Variants in PCBP3 observed in about 807,000 individuals in gnomAD.
PCBP3 encodes the protein poly(rC) binding protein 3.
A neutral mutation model predicts 52.7 loss-of-function variants in PCBP3; 25 were observed. The observed-to-expected ratio is 0.47, with a 90% confidence interval of 0.35 to 0.66. The LOEUF (loss-of-function observed/expected upper bound fraction) is 0.66, where lower values mean the gene tolerates loss of function less well. Among genes scored for constraint, PCBP3 ranks in the 30% least tolerant of loss-of-function variants. The pLI, the probability that PCBP3 is intolerant of heterozygous loss-of-function variation, is 0.01. For synonymous variants in PCBP3, 162 were observed against 183.0 expected, an observed-to-expected ratio of 0.89 and a Z score of 0.93; for missense variants, 391 against 490.3, an observed-to-expected ratio of 0.80 and a Z score of 1.91.
Position 45,772,527 on chromosome 21 carries a change from G to T in PCBP3, c.-126+17075G>T, listed in dbSNP as rs148955105. 4.2e-3 allele frequency among the ~76,000 whole-genome samples: 640 copies of T among 152,234 alleles called. 2 individuals are homozygous for T. Among genetic ancestry groups the T allele is most frequent in the Middle Eastern group, 0.014 (4 of 294 alleles). On this transcript the variant is annotated intron_variant, in intron 4 of 17. Coordinates refer to ENST00000681687, the MANE Select transcript of PCBP3 (RefSeq NM_001384156.1). The stretch of plus-strand genomic sequence containing the variant: ...GTGAATAGTACTGCAATAAACATAG[G>T]AGTGCAGGTACTACTTTGATATACT...
At chr21:45,701,536 C>A (rs897245907) in intron 2 of PCBP3, among the ~76,000 whole-genome samples, 2 of 152,106 alleles carry the variant, frequency 1.3e-5, no homozygotes, top group African/African-American at 4.8e-5. Flanking sequence ...ATAATAAAAA[C>A]ATTTTATTAT....
intron 2 of PCBP3, among the ~76,000 whole-genome samples, chr21:45,710,853 A>G (rs975361033): frequency 2.0e-5 from 3 of 152,214 alleles, no homozygotes; most frequent in Non-Finnish European, 4.4e-5. Context: ...TTAAGCATGA[A>G]CGCATGGATT....
At chr21:45,839,875 C>T (rs544859071) in intron 4 of PCBP3, among the ~76,000 whole-genome samples, 8 of 151,890 alleles carry the variant, frequency 5.3e-5, no homozygotes, top group Non-Finnish European at 8.8e-5. Context: ...TCAGTAGAGA[C>T]GGGGTTTCAC....
At chr21:45,676,970 G>A (rs1332843096) in intron 2 of PCBP3, among the ~76,000 whole-genome samples, 1 of 151,768 alleles carries the variant, frequency 6.6e-6, no homozygotes, top group Non-Finnish European at 1.5e-5. Context: ...GCGGGGTTTC[G>A]CTATGTTGGC....
chr21:45,685,523 C>T (rs1441491687), intron 2 of PCBP3, among the ~76,000 whole-genome samples: 1 of 152,134 alleles, frequency 6.6e-6, no homozygotes, highest in Non-Finnish European at 1.5e-5. Context: ...TTGTGAACAA[C>T]CAGAAAACTG....
Position 45,646,107 on chromosome 21 carries a change from CTGTGTGTG to C in PCBP3, c.-279+2271_-279+2278del, listed in dbSNP as rs765931494. 2.8e-3 allele frequency among the ~76,000 whole-genome samples: 235 copies of C among 83,812 alleles called. 3 individuals carry two copies. Among genetic ancestry groups the C allele is most frequent in the African/African-American group, 0.01 (212 of 21,002 alleles). 55.0% of individuals were successfully genotyped at this position (83,812 alleles called of 152,430 possible). On this transcript the variant is annotated intron_variant, in intron 1 of 17. Coordinates refer to ENST00000681687, the MANE Select transcript of PCBP3 (RefSeq NM_001384156.1). ...TTTCTCTCTCTCTCTCTCTCTCTCT[CTGTGTGTG>C]TGTGTGTGTGTGTGTGTGTGTGTGT...
intron 3 of PCBP3, among the ~76,000 whole-genome samples, chr21:45,738,090 A>T (rs1368607478): frequency 6.6e-6 from 1 of 152,168 alleles, no homozygotes; most frequent in East Asian, 1.9e-4. Flanking sequence ...CCCATCTCCC[A>T]TAGCTGGTTA....
chr21:45,645,312 C>G (rs191564166), intron 1 of PCBP3, among the ~76,000 whole-genome samples: 2 of 151,960 alleles, frequency 1.3e-5, no homozygotes, highest in African/African-American at 4.8e-5. Context: ...TTAGAACTTA[C>G]GTAGCTTCAC....
At chr21:45,915,057 G>C (rs550636166) in intron 12 of PCBP3, 1 of 152,184 alleles carries the variant, frequency 6.6e-6, no homozygotes, top group Non-Finnish European at 1.5e-5. Context: ...CCAGGGTCCC[G>C]TGTGCTCAGG....
chr21:45,745,283 A>G (rs1474530584), intron 3 of PCBP3, among the ~76,000 whole-genome samples: 1 of 152,190 alleles, frequency 6.6e-6, no homozygotes, highest in Non-Finnish European at 1.5e-5. Context: ...ACGTGCCAAG[A>G]GGAAGAGTTG....
intron 2 of PCBP3, among the ~76,000 whole-genome samples, chr21:45,722,463 TGGA>T (rs2084719703): frequency 6.6e-6 from 1 of 152,248 alleles, no homozygotes; most frequent in South Asian, 2.1e-4. Context: ...TTTTTATTGT[TGGA>T]GAAGAATTAT....
intron 2 of PCBP3, among the ~76,000 whole-genome samples, chr21:45,719,949 G>C (rs1402233936): frequency 6.6e-6 from 1 of 152,098 alleles, no homozygotes; most frequent in African/African-American, 2.4e-5. Flanking sequence ...AGTAGAGAAG[G>C]CACCTCCAGA....
At chr21:45,927,355 CT>C in intron 13 of PCBP3, among the ~76,000 whole-genome samples, 1 of 5,818 alleles carries the variant, frequency 1.7e-4, no homozygotes, top group African/African-American at 2.2e-4. Flanking sequence ...CCCTCCCTCC[CT>C]CTCGCCTGCC....
chr21:45,847,101 CT>C (rs941684030), intron 4 of PCBP3, among the ~76,000 whole-genome samples: 24 of 151,066 alleles, frequency 1.6e-4, no homozygotes, highest in Admixed American at 8.6e-4. Context: ...TGTGTCTTTG[CT>C]TTTTTTTTCT....
Position 45,788,119 on chromosome 21 carries a change from G to A in PCBP3, c.-126+32667G>A, listed in dbSNP as rs368520875. 1.1e-4 allele frequency among the ~76,000 whole-genome samples: 17 copies of A among 152,264 alleles called. 1 individual carries two copies. The East Asian group carries it at 1.7e-3, about 16-fold the overall frequency. ...GGGACATGCTGTGACCTGTAGAATC[G>A]TGTCTGACCATTTCTGGAGGATGCA... On this transcript the variant is annotated intron_variant, in intron 4 of 17. Coordinates refer to ENST00000681687, the MANE Select transcript of PCBP3 (RefSeq NM_001384156.1). This position sits in a 1 kb window ranked among gnomAD's most constrained non-coding sequence, Gnocchi z 4.3.
At chr21:45,754,559 A>C (rs1296121588) in intron 3 of PCBP3, among the ~76,000 whole-genome samples, 1 of 152,228 alleles carries the variant, frequency 6.6e-6, no homozygotes, top group African/African-American at 2.4e-5. Context: ...ACAGCTAGAA[A>C]ATATTCGTGA....
chr21:45,870,674 A>C (rs535682120), intron 5 of PCBP3, among the ~76,000 whole-genome samples: 5 of 152,322 alleles, frequency 3.3e-5, no homozygotes, highest in African/African-American at 9.6e-5. Flanking sequence ...TGGGAGGACC[A>C]GAGGGTCCAA....
intron 5 of PCBP3, among the ~76,000 whole-genome samples, chr21:45,894,462 C>T (rs1304538667): frequency 6.6e-6 from 1 of 152,148 alleles, no homozygotes; most frequent in Admixed American, 6.5e-5. Flanking sequence ...TGAAAGGGTA[C>T]AGCCAGGCTT....
intron 5 of PCBP3, among the ~76,000 whole-genome samples, chr21:45,868,054 G>A (rs1304076202): frequency 6.6e-6 from 1 of 152,272 alleles, no homozygotes; most frequent in African/African-American, 2.4e-5. Context: ...AGGCGCAGTG[G>A]GCCCGTCCGG....
Sources: gnomAD v4.1 joint callset for allele counts (sites outside exome capture counted in the v4.1 genomes callset) on GRCh38, gnomAD v4.1.1 for gene constraint, Gnocchi (gnomAD v3.1) non-coding constraint, MANE v1.5 for transcripts, NCBI Gene and HGNC (gene_info 2026-07-23, HGNC 2026-07-21) for gene names.